The following COL4A4 variants were observed in gnomAD, a reference collection of about 807,000 sequenced individuals.
COL4A4 encodes collagen alpha-4(IV) chain.
COL4A4 carries 105 observed loss-of-function variants against 192.9 expected under a neutral mutation model. The observed-to-expected ratio is 0.54, with a 90% CI of 0.46 to 0.64. The LOEUF (loss-of-function observed/expected upper bound fraction) is 0.64, where lower values mean the gene tolerates loss of function less well. COL4A4 is among the 30% of genes least tolerant of loss of function. The pLI is 0.00. For synonymous variants in COL4A4, 762 were observed against 769.9 expected (o/e 0.99, Z 0.17); for missense variants, 1,967 against 2,169.3 (o/e 0.91, Z 1.85).
At chr2:227,100,950 G>T (rs985303458) in intron 17 of COL4A4, among the ~76,000 whole-genome samples, 5 of 151,652 alleles carry the variant, frequency 3.3e-5, no homozygotes, top group East Asian at 1.9e-4. Flanking sequence ...GACTACAGGC[G>T]CCCACCACCA....
At chr2:227,113,663 T>C (rs1306056536) in intron 8 of COL4A4, among the ~76,000 whole-genome samples, 1 of 152,244 alleles carries the variant, frequency 6.6e-6, no homozygotes, top group Non-Finnish European at 1.5e-5. Context: ...GACCCTGCTG[T>C]TGACGTTTAG....
At chr2:226,995,144 A>C in the COL4A4 span, among the ~76,000 whole-genome samples, 1 of 152,328 alleles carries the variant, frequency 6.6e-6, no homozygotes, top group South Asian at 2.1e-4. Context: ...GTAAGCCTAA[A>C]TGATGCAAAT....
chr2:226,985,567 T>A, the COL4A4 span, among the ~76,000 whole-genome samples: 1 of 152,234 alleles, frequency 6.6e-6, no homozygotes, highest in Non-Finnish European at 1.5e-5. Context: ...GTGGATATGT[T>A]CAGTTGCAAG....
chr2:227,018,735 G>C (rs1172352420), intron 44 of COL4A4, among the ~76,000 whole-genome samples: 2 of 152,148 alleles, frequency 1.3e-5, no homozygotes, highest in Non-Finnish European at 2.9e-5. Context: ...ACTTCCAGCA[G>C]GCAGGGTCAG....
At chr2:227,028,944 A>G (rs6735069) in intron 41 of COL4A4, among the ~76,000 whole-genome samples, 60,548 of 151,904 alleles carry the variant, frequency 0.4, 12,478 homozygotes, top group South Asian at 0.55. Flanking sequence ...ATAGGCATGA[A>G]CCACTGAGTC....
intron 3 of COL4A4, among the ~76,000 whole-genome samples, chr2:227,142,412 C>T (rs75207988): frequency 0.011 from 1,663 of 152,260 alleles, 34 homozygotes; most frequent in African/African-American, 0.038. Flanking sequence ...AAGGAAAAGT[C>T]ACTATCTGCC....
At chr2:227,101,764 CTAAT>C in intron 16 of COL4A4, 97 bp downstream of exon 16, 1 of 1,122,018 alleles carries the variant, frequency 8.9e-7, no homozygotes, top group Non-Finnish European at 1.3e-6. Context: ...GTCTGCCTTC[CTAAT>C]TACTGTGTTT....
At chr2:226,988,569 C>G in the COL4A4 span, 1 of 1,389,414 alleles carries the variant, frequency 7.2e-7, no homozygotes, top group East Asian at 2.8e-5. Flanking sequence ...GGTGTGGAAT[C>G]TGCATCAGAA....
At chr2:227,104,215 A>G in intron 12 of COL4A4, 163 bp from the exon 13 acceptor site, 7 of 674,604 alleles carry the variant, frequency 1.0e-5, no homozygotes, top group Non-Finnish European at 1.8e-5. Context: ...TTATTTTCTT[A>G]TAAAAATTTA....
the COL4A4 span, among the ~76,000 whole-genome samples, chr2:226,991,568 C>T: frequency 6.6e-6 from 1 of 152,194 alleles, no homozygotes; most frequent in East Asian, 1.9e-4. Context: ...TAGAGATGAA[C>T]AATCATACCA....
At chr2:227,076,654 T>G (rs1477015359) in intron 25 of COL4A4, among the ~76,000 whole-genome samples, 1 of 152,104 alleles carries the variant, frequency 6.6e-6, no homozygotes, top group Non-Finnish European at 1.5e-5. Flanking sequence ...CTAATCAAAC[T>G]AAAGAGCTTC....
chr2:226,993,933 C>T, the COL4A4 span, among the ~76,000 whole-genome samples: 1 of 152,216 alleles, frequency 6.6e-6, no homozygotes, highest in Non-Finnish European at 1.5e-5. Context: ...GGGCAATGAG[C>T]AAGAGGGATC....
intron 22 of COL4A4, among the ~76,000 whole-genome samples, chr2:227,083,785 C>A (rs1316593152): frequency 6.6e-6 from 1 of 152,124 alleles, no homozygotes; most frequent in Non-Finnish European, 1.5e-5. Context: ...TGTGTTCAAG[C>A]AAGCTTAACT....
intron 37 of COL4A4, among the ~76,000 whole-genome samples, chr2:227,039,270 A>G (rs1970316367): frequency 6.6e-6 from 1 of 152,102 alleles, no homozygotes; most frequent in African/African-American, 2.4e-5. Flanking sequence ...GGGTTCTAGC[A>G]ATTCTTCTGC....
chr2:226,982,425 A>G, the COL4A4 span, among the ~76,000 whole-genome samples: 1 of 152,238 alleles, frequency 6.6e-6, no homozygotes, highest in Non-Finnish European at 1.5e-5. Flanking sequence ...ACCTGTAGTT[A>G]TATACTAATC....
chr2:227,101,733 T>C (rs924847573), intron 16 of COL4A4, 132 bp downstream of exon 16: 2 of 1,049,778 alleles, frequency 1.9e-6, no homozygotes, highest in Non-Finnish European at 2.9e-6. Context: ...AGCTAAATCC[T>C]GCAATCCATA....
the COL4A4 span, chr2:226,995,719 C>CT: frequency 1.7e-6 from 1 of 592,734 alleles, no homozygotes; most frequent in Admixed American, 3.1e-5. Context: ...GGGCCTTCTC[C>CT]TGGCCTTGTT....
At chr2:227,070,256 T>G (rs1390585482) in intron 25 of COL4A4, among the ~76,000 whole-genome samples, 3 of 151,602 alleles carry the variant, frequency 2.0e-5, no homozygotes, top group African/African-American at 7.3e-5. Context: ...TAGGAACACT[T>G]TTACACTGTT....
rs779914520 is a variant in COL4A4 at position 227,101,878 on chromosome 2, A to G, written c.962T>C (p.Phe321Ser). 5 of 1,594,408 alleles carry G rather than the reference A, an allele frequency of 3.1e-6. No individual in the cohort carries two copies. The Admixed American group carries it at 8.5e-5, about 27-fold the overall frequency. Reference sequence around the variant, plus strand: ...AGGTACATTTACCTTTAATCCTGGAAAACCTGGAGATCCATAGGAACCAGG... The same window carrying G: ...AGGTACATTTACCTTTAATCCTGGAGAACCTGGAGATCCATAGGAACCAGG... The part of the protein sequence containing the change: ...GDPGSYGSPG[F>S]PGLKGELGLV... Residue 321 changes from phenylalanine to serine, a missense_variant, in exon 16 of 48, where the codon TTT (phenylalanine) becomes TCT (serine). By Grantham distance (155) the Phe-to-Ser change is radical. Transcript: ENST00000396625.
Sources: allele counts gnomAD v4.1 joint callset (sites outside exome capture counted in the v4.1 genomes callset), GRCh38; gene constraint gnomAD v4.1.1; transcripts MANE v1.5; gene names NCBI Gene and HGNC (gene_info 2026-07-23, HGNC 2026-07-21).